ZBTB20: variants seen among roughly 807,000 people sequenced by gnomAD.
The protein encoded by ZBTB20 is zinc finger and BTB domain-containing protein 20.
Under a neutral mutation model 56.9 loss-of-function variants are expected in ZBTB20, and 9 were observed. That is an observed-to-expected ratio of 0.16 (90% CI 0.10 to 0.28). The LOEUF is 0.28. ZBTB20 is among the 10% of genes least tolerant of loss of function. The pLI, the probability that ZBTB20 is intolerant of heterozygous loss-of-function variation, is 1.00. For missense variants in ZBTB20, 655 were observed against 1,003.0 expected (o/e 0.65, Z 4.69); for synonymous variants, 417 against 420.7 (o/e 0.99, Z 0.11).
intron 6 of ZBTB20, among the ~76,000 whole-genome samples, chr3:114,636,604 A>G (rs1404317582): frequency 2.0e-5 from 3 of 152,112 alleles, no homozygotes; most frequent in Non-Finnish European, 4.4e-5. Flanking sequence ...ATCAGCTTAA[A>G]ATAGATGATT....
intron 4 of ZBTB20, among the ~76,000 whole-genome samples, chr3:114,868,006 C>T (rs944762523): frequency 2.6e-5 from 4 of 152,216 alleles, no homozygotes; most frequent in East Asian, 1.9e-4. Context: ...CGTAACTTCA[C>T]GTAGTCTGTA....
At chr3:115,146,724 G>A (rs1417383887) in intron 1 of ZBTB20, among the ~76,000 whole-genome samples, 3 of 152,200 alleles carry the variant, frequency 2.0e-5, no homozygotes, top group Admixed American at 2.0e-4. Flanking sequence ...GGCAAGCGGG[G>A]GAGGGCGAGG....
intron 7 of ZBTB20, among the ~76,000 whole-genome samples, chr3:114,468,572 C>T (rs1041385603): frequency 1.3e-5 from 2 of 152,116 alleles, no homozygotes; most frequent in East Asian, 3.8e-4. Flanking sequence ...CATTTTTAAT[C>T]CTACATGGTA....
chr3:114,757,700 C>T (rs2068107323), intron 5 of ZBTB20, among the ~76,000 whole-genome samples: 1 of 152,038 alleles, frequency 6.6e-6, no homozygotes, highest in Non-Finnish European at 1.5e-5. Flanking sequence ...GCTCTATTCC[C>T]TATACCAAGA....
intron 5 of ZBTB20, among the ~76,000 whole-genome samples, chr3:114,759,735 A>T (rs2068298582): frequency 6.6e-6 from 1 of 152,146 alleles, no homozygotes; most frequent in African/African-American, 2.4e-5. Flanking sequence ...AGTTTGCAAC[A>T]ATGACTGATT....
chr3:114,842,784 T>G (rs2107331538), intron 4 of ZBTB20, among the ~76,000 whole-genome samples: 1 of 151,812 alleles, frequency 6.6e-6, no homozygotes. Flanking sequence ...TCCTCTTGTA[T>G]TTTTCAAAAA....
intron 6 of ZBTB20, among the ~76,000 whole-genome samples, chr3:114,551,841 G>A (rs566647273): frequency 6.6e-6 from 1 of 152,268 alleles, no homozygotes; most frequent in South Asian, 2.1e-4. Context: ...AAACTTCTAG[G>A]TATGGTTTCC....
chr3:114,507,314 A>T (rs1181105644), intron 6 of ZBTB20, among the ~76,000 whole-genome samples: 1 of 152,164 alleles, frequency 6.6e-6, no homozygotes, highest in South Asian at 2.1e-4. Context: ...CCTCTCTAAG[A>T]GGCATCACAT....
At chr3:114,584,295 T>A (rs899539044) in intron 6 of ZBTB20, among the ~76,000 whole-genome samples, 1 of 152,142 alleles carries the variant, frequency 6.6e-6, no homozygotes, top group Admixed American at 6.5e-5. Flanking sequence ...AAGATTTTTA[T>A]TTTTTTCTAA....
intron 6 of ZBTB20, among the ~76,000 whole-genome samples, chr3:114,539,121 A>C (rs2110091372): frequency 6.6e-6 from 1 of 152,252 alleles, no homozygotes; most frequent in Middle Eastern, 3.4e-3. Context: ...TTAGTGTATA[A>C]GTGTCCAGGC....
chr3:114,365,232 T>C (rs2082276791), intron 10 of ZBTB20, among the ~76,000 whole-genome samples: 1 of 152,228 alleles, frequency 6.6e-6, no homozygotes, highest in African/African-American at 2.4e-5. Context: ...AGTTAGCCTT[T>C]CTATTCAAGT....
intron 5 of ZBTB20, among the ~76,000 whole-genome samples, chr3:114,776,125 C>G (rs1277084762): frequency 6.7e-6 from 1 of 148,282 alleles, no homozygotes; most frequent in Non-Finnish European, 1.5e-5. Flanking sequence ...GCTGACAGTG[C>G]TAGCGGAAAG....
intron 1 of ZBTB20, among the ~76,000 whole-genome samples, chr3:115,093,843 G>A (rs1268867124): frequency 6.6e-6 from 1 of 152,136 alleles, no homozygotes; most frequent in Non-Finnish European, 1.5e-5. Flanking sequence ...TGGTACCACT[G>A]GAATCTGTCT....
rs759551201 is a variant in ZBTB20, at chr3:115,006,245, C to CTTGT, written c.-506-31833_-506-31830dup. Among the ~76,000 whole-genome samples, 30 of 151,436 alleles carry CTTGT rather than the reference C, an allele frequency of 2.0e-4. 1 individual carries two copies. The highest frequency in any genetic ancestry group is 4.2e-4 in the South Asian group (2 of 4,812). ...TCTTTATGTACAATGAACTAGTTTG[C>CTTGT]TTGTTTGTTTGTTTGTTTATCATCT... is the stretch of plus-strand genomic sequence containing the variant. On this transcript the variant is annotated intron_variant, in intron 2 of 11. Coordinates refer to ENST00000675478, the MANE Select transcript of ZBTB20 (RefSeq NM_001348800.3).
intron 10 of ZBTB20, among the ~76,000 whole-genome samples, chr3:114,366,227 C>G (rs1181132952): frequency 6.6e-6 from 1 of 152,174 alleles, no homozygotes; most frequent in Non-Finnish European, 1.5e-5. Context: ...ATTCATCTTA[C>G]CTAGTATTTC....
At chr3:114,596,904 A>G (rs2056359282) in intron 6 of ZBTB20, among the ~76,000 whole-genome samples, 1 of 152,164 alleles carries the variant, frequency 6.6e-6, no homozygotes, top group Non-Finnish European at 1.5e-5. Flanking sequence ...GCACTCAAAC[A>G]CTTTTAATCA....
intron 5 of ZBTB20, among the ~76,000 whole-genome samples, chr3:114,752,342 G>A (rs922739779): frequency 2.0e-5 from 3 of 152,080 alleles, no homozygotes; most frequent in African/African-American, 7.2e-5. Flanking sequence ...ACCTTATTAG[G>A]GTTGGGGCCC....
At chr3:115,039,703 T>C (rs914708303) in intron 2 of ZBTB20, among the ~76,000 whole-genome samples, 6 of 152,130 alleles carry the variant, frequency 3.9e-5, no homozygotes, top group African/African-American at 1.4e-4. Flanking sequence ...TAAAAAGTTG[T>C]TCATTTTCCC....
chr3:114,936,673 T>C (rs567374688), intron 3 of ZBTB20, among the ~76,000 whole-genome samples: 37 of 152,278 alleles, frequency 2.4e-4, no homozygotes, highest in Non-Finnish European at 4.4e-4. Flanking sequence ...ATAGAAATTT[T>C]AAAAGTGAGA....
Sources: gnomAD v4.1 joint callset for allele counts (sites outside exome capture counted in the v4.1 genomes callset) on GRCh38, gnomAD v4.1.1 for gene constraint, MANE v1.5 for transcripts, NCBI Gene and HGNC (gene_info 2026-07-23, HGNC 2026-07-21) for gene names.